The following ANGPT2 variants were observed in gnomAD, a reference collection of about 807,000 sequenced individuals.
The protein encoded by ANGPT2 is angiopoietin-2.
ANGPT2 carries 28 observed loss-of-function variants against 62.9 expected under a neutral mutation model. That is an observed-to-expected ratio of 0.44 (90% confidence interval 0.33 to 0.61). The LOEUF (loss-of-function observed/expected upper bound fraction) is 0.61, where lower values mean the gene tolerates loss of function less well. Among genes scored for constraint, ANGPT2 ranks in the 20% least tolerant of loss-of-function variants. ANGPT2 has a pLI of 0.03. For missense variants in ANGPT2, 727 were observed against 594.9 expected (o/e 1.22, Z -2.31); for synonymous variants, 284 against 207.8 (o/e 1.37, Z -3.15).
intron 1 of ANGPT2, among the ~76,000 whole-genome samples, chr8:6,552,761 G>A (rs1278571899): frequency 2.0e-5 from 3 of 151,542 alleles, no homozygotes; most frequent in Non-Finnish European, 2.9e-5. Context: ...TGATTGTTTC[G>A]GCCAGTTAAT....
At chr8:6,514,576 G>C (rs745850564) in intron 6 of ANGPT2, 101 bp downstream of exon 6, 389 of 1,019,896 alleles carry the variant, frequency 3.8e-4, no homozygotes, top group Non-Finnish European at 4.8e-4. Context: ...CATGTCAAAA[G>C]TCATTGGTTA....
At chr8:6,529,453 CTTTTTT>C (rs200029751) in intron 2 of ANGPT2, among the ~76,000 whole-genome samples, 2 of 136,034 alleles carry the variant, frequency 1.5e-5, no homozygotes, top group African/African-American at 5.5e-5. Flanking sequence ...AGCCATTTTT[CTTTTTT>C]TTTTTTTTTT....
At chr8:6,535,808 G>C (rs1820378659) in intron 1 of ANGPT2, among the ~76,000 whole-genome samples, 3 of 152,068 alleles carry the variant, frequency 2.0e-5, no homozygotes, top group South Asian at 4.1e-4. Context: ...AGCACTTTGG[G>C]AGGCCGAGGC....
chr8:6,545,177 G>A (rs1459283789), intron 1 of ANGPT2, among the ~76,000 whole-genome samples: 2 of 152,096 alleles, frequency 1.3e-5, no homozygotes, highest in African/African-American at 4.8e-5. Context: ...CTTCCGGGTG[G>A]GAGGGGTTTG....
intron 1 of ANGPT2, among the ~76,000 whole-genome samples, chr8:6,539,820 C>G (rs1041957604): frequency 6.6e-6 from 1 of 152,220 alleles, no homozygotes; most frequent in African/African-American, 2.4e-5. Flanking sequence ...CTCCTGACAT[C>G]AGGCCATCTG....
At chr8:6,526,138 C>T (rs930395657) in intron 3 of ANGPT2, among the ~76,000 whole-genome samples, 4 of 151,740 alleles carry the variant, frequency 2.6e-5, no homozygotes, top group South Asian at 2.1e-4. Flanking sequence ...AAGAAAACGA[C>T]GCCAGGTACG....
At chr8:6,543,420 G>A (rs1317109931) in intron 1 of ANGPT2, among the ~76,000 whole-genome samples, 2 of 152,126 alleles carry the variant, frequency 1.3e-5, no homozygotes, top group Non-Finnish European at 2.9e-5. Flanking sequence ...GTAAATGGAT[G>A]CAAACACACA....
chr8:6,522,364 G>GA (rs146836237), intron 3 of ANGPT2, among the ~76,000 whole-genome samples: 13 of 146,866 alleles, frequency 8.9e-5, no homozygotes, highest in South Asian at 2.2e-4. Context: ...CAAAAAAAAA[G>GA]AAAAAAAAAT....
intron 1 of ANGPT2, among the ~76,000 whole-genome samples, chr8:6,539,121 A>G (rs896065126): frequency 6.6e-6 from 1 of 152,204 alleles, no homozygotes; most frequent in African/African-American, 2.4e-5. Context: ...CTGAGCCTAA[A>G]GAGGGAAGGG....
intron 5 of ANGPT2, among the ~76,000 whole-genome samples, chr8:6,516,525 T>C (rs1198784517): frequency 2.6e-5 from 4 of 152,192 alleles, no homozygotes; most frequent in Admixed American, 1.3e-4. Flanking sequence ...TCAACACAGT[T>C]CCAAGTTTAA....
In ANGPT2 at chr8:6,519,922, C is replaced by T. The variant is rs774544582; in HGVS notation, c.869G>A (p.Gly290Glu). 50 of 1,612,916 alleles carry T rather than the reference C, an allele frequency of 3.1e-5. No homozygotes were observed. Among genetic ancestry groups the T allele is most frequent in the Non-Finnish European group, 4.1e-5 (48 of 1,179,572 alleles). Residue 290 changes from glycine (G) to glutamate (E), a missense_variant, in exon 5 of 9, where the codon GGA becomes GAA. Coordinates refer to ENST00000629816, the MANE Select transcript of ANGPT2 (RefSeq NM_001118887.2). ...CGTGTAGATGCCATTCGTGGTGTGT[C>T]CTGATTTGAATACTTCAGCACAGTC... is the stretch of plus-strand genomic sequence containing the variant. ...FRDCAEVFKS[G>E]HTTNGIYTLT...
chr8:6,526,257 T>TAAAAAAAAAAAA (rs35519559), intron 3 of ANGPT2, among the ~76,000 whole-genome samples: 4 of 77,464 alleles, frequency 5.2e-5, no homozygotes, highest in African/African-American at 1.7e-4. Flanking sequence ...TTGCCTCTAC[T>TAAAAAAAAAAAA]AAAAAAAAAA....
Position 6,562,960 on chromosome 8 carries a change from C to T in ANGPT2, c.-26G>A, listed in dbSNP as rs750858621. 1.1e-5 allele frequency: 17 copies of T among 1,554,874 alleles called. No individual in the cohort carries two copies. Among genetic ancestry groups the T allele is most frequent in the Non-Finnish European group, 1.5e-5 (17 of 1,141,934 alleles). ...TCTTTCTTCAGTAATAAACCAGCAGCTTAGCAAACTTGAGGGCAAACACAC... is the reference window on the plus strand; with the variant it reads ...TCTTTCTTCAGTAATAAACCAGCAGTTTAGCAAACTTGAGGGCAAACACAC... On this transcript the variant is annotated 5_prime_UTR_variant, in exon 1 of 9. Coordinates refer to ENST00000629816, the MANE Select transcript of ANGPT2 (RefSeq NM_001118887.2).
chr8:6,557,339 A>G (rs993218614), intron 1 of ANGPT2, among the ~76,000 whole-genome samples: 1 of 152,194 alleles, frequency 6.6e-6, no homozygotes, highest in African/African-American at 2.4e-5. Flanking sequence ...ATACTTGTGT[A>G]CTAGAGATAT....
At chr8:6,523,312 AATT>A (rs1056919764) in intron 3 of ANGPT2, among the ~76,000 whole-genome samples, 1 of 151,768 alleles carries the variant, frequency 6.6e-6, no homozygotes, top group Non-Finnish European at 1.5e-5. Context: ...GCTTTTTAAA[AATT>A]ATTTAGAGAG....
intron 3 of ANGPT2, among the ~76,000 whole-genome samples, chr8:6,525,025 G>A (rs201852671): frequency 1.3e-5 from 2 of 152,312 alleles, no homozygotes; most frequent in East Asian, 3.9e-4. Context: ...TAAAATGAAG[G>A]CATTCGATTT....
chr8:6,544,874 T>C (rs558058291), intron 1 of ANGPT2, among the ~76,000 whole-genome samples: 1 of 152,304 alleles, frequency 6.6e-6, no homozygotes, highest in Admixed American at 6.5e-5. Context: ...TCATTTCAGA[T>C]TGAACCTGCT....
chr8:6,503,483 T>C (rs867593528), intron 8 of ANGPT2, among the ~76,000 whole-genome samples: 2 of 152,206 alleles, frequency 1.3e-5, no homozygotes, highest in Non-Finnish European at 2.9e-5. Context: ...ACAAGCCTTC[T>C]TCCACCTTTT....
rs1053977 is a variant in ANGPT2, at chr8:6,502,643, C to G, written c.*458G>C. The G allele has an allele frequency of 6.5e-6, 1 of 153,082 alleles. No individual in the cohort carries two copies. The highest frequency in any genetic ancestry group is 2.4e-5 in the African/African-American group (1 of 41,402). The allele number at this position is 153,082 out of a possible 1,614,324, so 9.5% of individuals were successfully genotyped here. A position where few individuals can be genotyped will look rare whatever the true frequency, so the allele number is the denominator to read the frequency against. On this transcript the variant is annotated 3_prime_UTR_variant, in exon 9 of 9. Coordinates refer to ENST00000629816, the MANE Select transcript of ANGPT2 (RefSeq NM_001118887.2). The stretch of plus-strand genomic sequence containing the variant: ...TATGGCTTAGAGAGTTTTTTTCTTC[C>G]TTTTAATTGTGATAGTGATGGTGAA...
Sources: gnomAD v4.1 joint callset for allele counts (sites outside exome capture counted in the v4.1 genomes callset) on GRCh38, gnomAD v4.1.1 for gene constraint, MANE v1.5 for transcripts, NCBI Gene and HGNC (gene_info 2026-07-23, HGNC 2026-07-21) for gene names.